The following GRAMD1C variants were observed in gnomAD, a reference collection of about 807,000 sequenced individuals.
The protein encoded by GRAMD1C is protein Aster-C.
Under a neutral mutation model 97.8 loss-of-function variants are expected in GRAMD1C, and 89 were observed. That is an observed-to-expected ratio of 0.91 (90% CI 0.77 to 1.09). The LOEUF is 1.09. Ranked by LOEUF, GRAMD1C falls within the 50% of genes least tolerant of loss-of-function variation. The pLI is 0.00. For synonymous variants in GRAMD1C, 256 were observed against 267.0 expected (o/e 0.96, Z 0.40); for missense variants, 740 against 766.4 (o/e 0.97, Z 0.41).
intron 2 of GRAMD1C, among the ~76,000 whole-genome samples, chr3:113,858,517 C>G (rs1318254807): frequency 6.6e-6 from 1 of 151,640 alleles, no homozygotes; most frequent in Non-Finnish European, 1.5e-5. Flanking sequence ...GCCTTAGCCT[C>G]CTGAGTAGCT....
intron 2 of GRAMD1C, among the ~76,000 whole-genome samples, chr3:113,866,502 G>T (rs1934592898): frequency 6.6e-6 from 1 of 151,990 alleles, no homozygotes; most frequent in African/African-American, 2.4e-5. Context: ...GACAATTTCT[G>T]TGTTTATTCC....
At chr3:113,870,989 A>G in intron 3 of GRAMD1C, among the ~76,000 whole-genome samples, 1 of 52,988 alleles carries the variant, frequency 1.9e-5, no homozygotes, top group African/African-American at 5.1e-5. Context: ...ACACACACAC[A>G]CACACACACA....
intron 3 of GRAMD1C, among the ~76,000 whole-genome samples, chr3:113,874,272 C>A (rs572968463): frequency 3.3e-5 from 5 of 152,256 alleles, no homozygotes; most frequent in African/African-American, 1.2e-4. Context: ...CTCCACAGAG[C>A]CAGATCTTAA....
intron 2 of GRAMD1C, among the ~76,000 whole-genome samples, chr3:113,868,267 A>G (rs1934660128): frequency 6.6e-6 from 1 of 152,120 alleles, no homozygotes; most frequent in Admixed American, 6.5e-5. Flanking sequence ...TGTCTGCAAA[A>G]TTCAATGTCT....
chr3:113,915,901 G>GA (rs1936794114), intron 10 of GRAMD1C, 63 bp downstream of exon 10: 2 of 1,259,394 alleles, frequency 1.6e-6, no homozygotes. Flanking sequence ...TTAGAATATT[G>GA]AGCATATATA....
At position 113,936,247 on chromosome 3, in the gene GRAMD1C, TTG is replaced by T; in HGVS notation, c.1457-17_1457-16del. ...AGGAGCTTTCCTCACTATATAAAGA[TTG>T]TTTTTTTTTTTCTTAGAATCAGATT... On this transcript the variant is annotated splice_polypyrimidine_tract_variant and intron_variant, in intron 13 of 17. Coordinates refer to ENST00000358160, the MANE Select transcript of GRAMD1C (RefSeq NM_017577.5). The T allele has an allele frequency of 7.0e-7, 1 of 1,437,998 alleles. No homozygotes were observed. The highest frequency in any genetic ancestry group is 2.3e-5 in the East Asian group (1 of 43,846). 89.1% of individuals were successfully genotyped at this position (1,437,998 alleles called of 1,614,324 possible).
At chr3:113,936,194 C>A in intron 13 of GRAMD1C, 72 bp from the exon 14 acceptor site, 2 of 831,340 alleles carry the variant, frequency 2.4e-6, no homozygotes, top group South Asian at 1.9e-5. Context: ...CAAAAATAAC[C>A]ACCAAAACCC....
intron 6 of GRAMD1C, among the ~76,000 whole-genome samples, chr3:113,894,011 AAT>A (rs1373685338): frequency 1.3e-5 from 2 of 152,204 alleles, no homozygotes; most frequent in Admixed American, 1.3e-4. Flanking sequence ...TTTAACCTTC[AAT>A]ATGTACGGTG....
chr3:113,858,923 A>G (rs747177238), intron 2 of GRAMD1C, among the ~76,000 whole-genome samples: 5 of 152,170 alleles, frequency 3.3e-5, no homozygotes, highest in Non-Finnish European at 5.9e-5. Flanking sequence ...TAGAGTCTAC[A>G]GTGCTGACCC....
rs1452483211 is a variant in GRAMD1C, at chr3:113,838,864, G to T, written c.-46G>T. ...GCTGGAGGTGGGCGCGGGGCGGTGC[G>T]GTGCGGTGCGCGCGGGGCGGTGCCG... On this transcript the variant is annotated 5_prime_UTR_variant, in exon 1 of 18. Transcript: ENST00000358160. 2 of 1,219,822 alleles carry T rather than the reference G, an allele frequency of 1.6e-6. No homozygotes were observed. The highest frequency in any genetic ancestry group is 1.0e-6 in the Non-Finnish European group (1 of 977,002). The allele number at this position is 1,219,822 out of a possible 1,614,324, so 75.6% of individuals were successfully genotyped here.
intron 6 of GRAMD1C, among the ~76,000 whole-genome samples, chr3:113,884,219 G>A (rs1164608113): frequency 6.6e-6 from 1 of 152,112 alleles, no homozygotes; most frequent in Non-Finnish European, 1.5e-5. Flanking sequence ...CAAAAAACAG[G>A]TGTCAGTACA....
chr3:113,838,795 G>A lies in GRAMD1C; in HGVS notation c.-115G>A, dbSNP rs1272283818. 1 of 678,542 alleles carries A rather than the reference G, an allele frequency of 1.5e-6. No individual in the cohort carries two copies. The highest frequency in any genetic ancestry group is 2.1e-6 in the Non-Finnish European group (1 of 486,910). The allele number at this position is 678,542 out of a possible 1,614,324, so 42.0% of individuals were successfully genotyped here. The stretch of plus-strand genomic sequence containing the variant: ...GGAGCTGCGGCTGGAAGTACTCGGA[G>A]GGCCGGCGGAGGAGGCGCGCGGAGC... On this transcript the variant is annotated 5_prime_UTR_variant, in exon 1 of 18. Transcript: ENST00000358160.
chr3:113,872,552 G>A (rs1414604690), intron 3 of GRAMD1C, among the ~76,000 whole-genome samples: 7 of 150,738 alleles, frequency 4.6e-5, no homozygotes, highest in African/African-American at 7.3e-5. Flanking sequence ...ACACCACCAC[G>A]TCCGGTTAAT....
Position 113,838,925 on chromosome 3 carries a change from A to C in GRAMD1C, c.16A>C (p.Thr6Pro). The C allele has an allele frequency of 8.6e-7, 1 of 1,169,258 alleles. No homozygotes were observed. Among genetic ancestry groups the C allele is most frequent in the African/African-American group, 2.2e-5 (1 of 45,934 alleles). 72.4% of individuals were successfully genotyped at this position (1,169,258 alleles called of 1,614,324 possible). A position where few individuals can be genotyped will look rare whatever the true frequency, so the allele number is the denominator to read the frequency against. The change falls in exon 1 of 18, where the codon ACT becomes CCT. Residue 6 changes from threonine (T) to proline (P), a missense_variant. Thr to Pro is a conservative substitution (Grantham distance 38). Coordinates refer to ENST00000358160, the MANE Select transcript of GRAMD1C (RefSeq NM_017577.5). The stretch of plus-strand genomic sequence containing the variant: ...GGGAGCCGCGATGGAGGGCGCTCCG[A>C]CTGTCCGTCAGGTAAGCCGCGGGCC... MEGAP[T>P]VRQVMNEGDS...
intron 2 of GRAMD1C, among the ~76,000 whole-genome samples, chr3:113,868,851 A>T (rs1315436104): frequency 6.6e-6 from 1 of 152,102 alleles, no homozygotes; most frequent in Non-Finnish European, 1.5e-5. Flanking sequence ...TTCAGCTAGG[A>T]ATATGTGACT....
At chr3:113,836,804 C>T (rs937426649), upstream of GRAMD1C, among the ~76,000 whole-genome samples, 4 of 151,918 alleles carry the variant, frequency 2.6e-5, no homozygotes, top group Non-Finnish European at 5.9e-5. Flanking sequence ...CCATCACGCC[C>T]GACTAATTTT....
chr3:113,916,455 TGAGTAG>T (rs767595585), intron 10 of GRAMD1C, among the ~76,000 whole-genome samples: 2 of 152,198 alleles, frequency 1.3e-5, no homozygotes, highest in Non-Finnish European at 2.9e-5. Context: ...TGTAACAATA[TGAGTAG>T]AACTCACAGA....
chr3:113,925,990 G>GT (rs1420382264), intron 10 of GRAMD1C, among the ~76,000 whole-genome samples: 2 of 152,040 alleles, frequency 1.3e-5, no homozygotes, highest in African/African-American at 4.8e-5. Context: ...AATATTTTTT[G>GT]TTTCACGTTG....
At chr3:113,885,493 C>T in intron 6 of GRAMD1C, 1 of 1,606,206 alleles carries the variant, frequency 6.2e-7, no homozygotes, top group Non-Finnish European at 8.5e-7. Context: ...GATCCTGGTG[C>T]TGGATCTGGA....
Sources: allele counts gnomAD v4.1 joint callset (sites outside exome capture counted in the v4.1 genomes callset), GRCh38; gene constraint gnomAD v4.1.1; transcripts MANE v1.5; gene names NCBI Gene and HGNC (gene_info 2026-07-23, HGNC 2026-07-21).